The following ARHGAP15 variants were observed in gnomAD, a reference collection of about 807,000 sequenced individuals.
ARHGAP15 encodes the protein Rho GTPase activating protein 15, also known as rho GTPase-activating protein 15.
A neutral mutation model predicts 63.7 loss-of-function variants in ARHGAP15; 51 were observed. The ratio of observed to expected loss-of-function variants is 0.80; its 90% CI spans 0.64 to 1.01. The LOEUF (loss-of-function observed/expected upper bound fraction) is 1.01. Among genes scored for constraint, ARHGAP15 ranks in the 50% least tolerant of loss-of-function variants. The probability of loss-of-function intolerance (pLI) is 0.00; values close to 1 mark genes in which losing one functional copy is unlikely to be tolerated. For missense variants in ARHGAP15, 560 were observed against 564.6 expected (o/e 0.99, Z 0.08); for synonymous variants, 191 against 193.8 (o/e 0.99, Z 0.12).
At chr2:143,758,209 A>G (rs768933568) in intron 13 of ARHGAP15, among the ~76,000 whole-genome samples, 1 of 151,864 alleles carries the variant, frequency 6.6e-6, no homozygotes, top group Admixed American at 6.6e-5. Context: ...AAAGCAAATT[A>G]TAGCACATTA....
At chr2:143,583,120 TGC>T (rs1269096586) in intron 11 of ARHGAP15, among the ~76,000 whole-genome samples, 1 of 152,124 alleles carries the variant, frequency 6.6e-6, no homozygotes. Context: ...GGCATATAAG[TGC>T]CATTGTTAAG....
intron 6 of ARHGAP15, among the ~76,000 whole-genome samples, chr2:143,289,991 A>C (rs1682309134): frequency 6.6e-6 from 1 of 152,216 alleles, no homozygotes; most frequent in African/African-American, 2.4e-5. Context: ...AAGTTTAGGT[A>C]CTCAAGCTGC....
In ARHGAP15 at chr2:143,431,965, CA is replaced by C. The variant is rs547884128; in HGVS notation, c.475-3635del. On this transcript the variant is annotated intron_variant, in intron 6 of 13. Transcript: ENST00000295095. ...TAATCTCCCCATGTGCATCTGAAGTCAGTTGGAAGCTGGTAATATTTTACCA... is the reference window on the plus strand; with the variant it reads ...TAATCTCCCCATGTGCATCTGAAGTCGTTGGAAGCTGGTAATATTTTACCA... 6.4e-4 allele frequency among the ~76,000 whole-genome samples: 97 copies of C among 152,060 alleles called. 1 individual carries two copies. Among genetic ancestry groups the C allele is most frequent in the African/African-American group, 2.3e-3 (96 of 41,526 alleles).
intron 1 of ARHGAP15, among the ~76,000 whole-genome samples, chr2:143,134,624 T>C (rs1689056825): frequency 7.5e-6 from 1 of 133,714 alleles, no homozygotes; most frequent in Non-Finnish European, 1.6e-5. Context: ...AAATGCTGTA[T>C]TCCTTTTCTT....
intron 12 of ARHGAP15, among the ~76,000 whole-genome samples, chr2:143,680,053 G>GAAAAAAAAAAAAAAAAT (rs1683030711): frequency 7.8e-6 from 1 of 127,972 alleles, no homozygotes; most frequent in African/African-American, 3.7e-5. Context: ...AAAAAAAAAG[G>GAAAAAAAAAAAAAAAAT]AAAAAAATGG....
chr2:143,393,668 TG>T (rs1348419489), intron 6 of ARHGAP15, among the ~76,000 whole-genome samples: 1 of 148,076 alleles, frequency 6.8e-6, no homozygotes, highest in Non-Finnish European at 1.5e-5. Context: ...AGGCAGAGTT[TG>T]CAGTGAGCCG....
chr2:143,412,674 T>C (rs1688496744), intron 6 of ARHGAP15, among the ~76,000 whole-genome samples: 1 of 152,196 alleles, frequency 6.6e-6, no homozygotes. Context: ...TTATTTATCC[T>C]GGTTGAGGTT....
intron 6 of ARHGAP15, among the ~76,000 whole-genome samples, chr2:143,325,714 GA>G (rs1473496177): frequency 6.6e-6 from 1 of 152,132 alleles, no homozygotes; most frequent in African/African-American, 2.4e-5. Flanking sequence ...GTATACTTCA[GA>G]AAAAATCACT....
intron 6 of ARHGAP15, among the ~76,000 whole-genome samples, chr2:143,340,910 T>TG (rs1200682443): frequency 3.9e-5 from 6 of 152,140 alleles, no homozygotes; most frequent in Non-Finnish European, 7.4e-5. Flanking sequence ...AAACTATACT[T>TG]GGAAAAAATA....
chr2:143,435,199 T>C, intron 6 of ARHGAP15: 1 of 936,984 alleles, frequency 1.1e-6, no homozygotes, highest in Non-Finnish European at 1.3e-6. Context: ...AGAGATACTA[T>C]TAGATTTGAA....
intron 4 of ARHGAP15, among the ~76,000 whole-genome samples, chr2:143,219,756 G>T (rs182049735): frequency 1.4e-3 from 208 of 152,304 alleles, no homozygotes; most frequent in African/African-American, 4.9e-3. Flanking sequence ...ATTATCCATA[G>T]AACATTACCT....
chr2:143,551,530 A>G (rs1261326979), intron 10 of ARHGAP15, among the ~76,000 whole-genome samples: 11 of 152,090 alleles, frequency 7.2e-5, no homozygotes, highest in Admixed American at 7.2e-4. Flanking sequence ...CTGATTGTAT[A>G]TTGTTCTGTA....
At chr2:143,153,181 A>G (rs1558778718) in intron 1 of ARHGAP15, among the ~76,000 whole-genome samples, 1 of 151,944 alleles carries the variant, frequency 6.6e-6, no homozygotes, top group Admixed American at 6.6e-5. Context: ...CTATGTAAAC[A>G]CCGTGGCTAG....
chr2:143,466,385 C>G (rs1558990506), intron 8 of ARHGAP15, among the ~76,000 whole-genome samples: 1 of 149,916 alleles, frequency 6.7e-6, no homozygotes, highest in Non-Finnish European at 1.5e-5. Context: ...GAAAAGACAG[C>G]TTGGGTTGAA....
chr2:143,692,261 G>A (rs1683640145), intron 12 of ARHGAP15, among the ~76,000 whole-genome samples: 1 of 152,174 alleles, frequency 6.6e-6, no homozygotes, highest in African/African-American at 2.4e-5. Flanking sequence ...TAATTTGGTT[G>A]CATCAGGAAT....
chr2:143,579,983 A>T (rs1180446825), intron 11 of ARHGAP15, among the ~76,000 whole-genome samples: 1 of 143,650 alleles, frequency 7.0e-6, no homozygotes, highest in Admixed American at 6.9e-5. Context: ...AATAAAACAA[A>T]TGTTTCTTCA....
intron 6 of ARHGAP15, among the ~76,000 whole-genome samples, chr2:143,399,862 C>A (rs1687921927): frequency 6.6e-6 from 1 of 152,018 alleles, no homozygotes; most frequent in Non-Finnish European, 1.5e-5. Flanking sequence ...ATCTTGAAAT[C>A]TCCTTCCAAC....
chr2:143,704,424 G>A (rs1050146355), intron 13 of ARHGAP15, among the ~76,000 whole-genome samples: 12 of 152,128 alleles, frequency 7.9e-5, no homozygotes, highest in African/African-American at 2.9e-4. Flanking sequence ...TGGACTTGCT[G>A]CTGGTTGGGA....
intron 1 of ARHGAP15, among the ~76,000 whole-genome samples, chr2:143,135,021 A>G (rs1259671932): frequency 6.6e-6 from 1 of 152,188 alleles, no homozygotes; most frequent in Non-Finnish European, 1.5e-5. Flanking sequence ...AAGGAGGAGA[A>G]AAGGAATGAA....
Sources: gnomAD v4.1 joint callset for allele counts (sites outside exome capture counted in the v4.1 genomes callset) on GRCh38, gnomAD v4.1.1 for gene constraint, MANE v1.5 for transcripts, NCBI Gene and HGNC (gene_info 2026-07-23, HGNC 2026-07-21) for gene names.